Variants in NTAQ1 observed in about 807,000 individuals in gnomAD.
NTAQ1 encodes the protein N-terminal glutamine amidase 1, also known as protein N-terminal glutamine amidohydrolase.
NTAQ1 carries 21 observed loss-of-function variants against 28.2 expected under a neutral mutation model. The observed-to-expected ratio is 0.74, with a 90% confidence interval of 0.53 to 1.07. NTAQ1 has a LOEUF of 1.07. Among genes scored for constraint, NTAQ1 ranks in the 50% least tolerant of loss-of-function variants. The pLI is 0.00. For synonymous variants in NTAQ1, 105 were observed against 90.0 expected, an observed-to-expected ratio of 1.17 and a Z score of -0.94; for missense variants, 264 against 256.6, an observed-to-expected ratio of 1.03 and a Z score of -0.20.
At chr8:123,467,033 C>T (rs1563909525) in intron 6 of NTAQ1, 1 of 151,334 alleles carries the variant, frequency 6.6e-6, no homozygotes, top group South Asian at 2.1e-4. Context: ...GAAACATATT[C>T]CAAATTGCTT....
chr8:123,438,269 G>GTGAT (rs1814845055), intron 5 of NTAQ1: 1 of 687,616 alleles, frequency 1.5e-6, no homozygotes, highest in Non-Finnish European at 2.7e-6. Context: ...CCACTTAGGG[G>GTGAT]TGAGATCATC....
At chr8:123,421,809 C>G (rs566932972) in intron 1 of NTAQ1, among the ~76,000 whole-genome samples, 1 of 152,004 alleles carries the variant, frequency 6.6e-6, no homozygotes, top group African/African-American at 2.4e-5. Context: ...CTGCCTCAGC[C>G]TCCCGAGTAG....
the NTAQ1 span, among the ~76,000 whole-genome samples, chr8:123,475,176 G>C: frequency 6.6e-6 from 1 of 152,144 alleles, no homozygotes; most frequent in Non-Finnish European, 1.5e-5. Context: ...TTGCTCCAGT[G>C]GTTCCAGCTC....
chr8:123,454,357 T>TTTTTGTTTTG lies in NTAQ1; in HGVS notation c.373-12707_373-12698dup, dbSNP rs143782536. Reference sequence around the variant, plus strand: ...TGATAATAAATGGATGCAATTTTGTTTTTTGTTTTGTTTTGTTTTGTTTTT... The same window carrying TTTTTGTTTTG: ...TGATAATAAATGGATGCAATTTTGTTTTTTGTTTTGTTTTGTTTTGTTTTGTTTTGTTTTT... On this transcript the variant is annotated intron_variant, in intron 6 of 6. Coordinates refer to the NTAQ1 transcript ENST00000650311. Among the ~76,000 whole-genome samples, 5 of 151,026 alleles carry TTTTTGTTTTG rather than the reference T, an allele frequency of 3.3e-5. 1 individual carries two copies. In the East Asian group the frequency reaches 5.9e-4, roughly 18 times the overall value.
intron 6 of NTAQ1, among the ~76,000 whole-genome samples, chr8:123,466,320 C>T (rs1048383672): frequency 2.0e-5 from 3 of 152,170 alleles, no homozygotes; most frequent in African/African-American, 7.2e-5. Flanking sequence ...ACCTCTTTGC[C>T]GTCTGTCCAT....
chr8:123,475,676 G>A, the NTAQ1 span, among the ~76,000 whole-genome samples: 1 of 152,132 alleles, frequency 6.6e-6, no homozygotes, highest in South Asian at 2.1e-4. Context: ...TAATAATAAA[G>A]AGAGTAGGTC....
intron 3 of NTAQ1, among the ~76,000 whole-genome samples, chr8:123,435,948 G>A (rs4006559): frequency 0.36 from 54,800 of 151,170 alleles, 10,036 homozygotes; most frequent in East Asian, 0.56. Flanking sequence ...CGGGTGGATC[G>A]CCTGAGGTCA....
chr8:123,437,338 A>G lies in NTAQ1; in HGVS notation c.508+4A>G. ...TATCCCTGCATTGAGACTGGAGGTG[A>G]GCCAAGATGCCTTCTCAGATGGGGG... On this transcript the variant is annotated splice_donor_region_variant and intron_variant, in intron 5 of 5. Coordinates refer to ENST00000287387, the MANE Select transcript of NTAQ1 (RefSeq NM_018024.3). 2 of 1,613,816 alleles carry G rather than the reference A, an allele frequency of 1.2e-6. No homozygotes were observed. The highest frequency in any genetic ancestry group is 1.7e-6 in the Non-Finnish European group (2 of 1,179,830).
At chr8:123,439,200 T>G (rs188921724) in intron 5 of NTAQ1, among the ~76,000 whole-genome samples, 162 of 152,256 alleles carry the variant, frequency 1.1e-3, no homozygotes, top group African/African-American at 3.7e-3. Flanking sequence ...TTCTTTTTTT[T>G]TTGTTGAGAC....
At chr8:123,423,988 G>A (rs1239370467) in intron 1 of NTAQ1, among the ~76,000 whole-genome samples, 2 of 150,374 alleles carry the variant, frequency 1.3e-5, no homozygotes, top group Admixed American at 6.7e-5. Context: ...GTTCAAGTGA[G>A]TCTTGTGCCT....
intron 6 of NTAQ1, among the ~76,000 whole-genome samples, chr8:123,458,913 A>G (rs1219782569): frequency 6.6e-6 from 1 of 152,072 alleles, no homozygotes; most frequent in Non-Finnish European, 1.5e-5. Flanking sequence ...AGCCACCTCT[A>G]TTAAAAATAC....
intron 6 of NTAQ1, among the ~76,000 whole-genome samples, chr8:123,458,687 T>C (rs1323110245): frequency 6.6e-6 from 1 of 151,380 alleles, no homozygotes; most frequent in African/African-American, 2.4e-5. Flanking sequence ...AACGGCGCGA[T>C]CTCGGCTCAC....
chr8:123,434,286 T>A (rs1384873008), intron 3 of NTAQ1, among the ~76,000 whole-genome samples: 1 of 152,122 alleles, frequency 6.6e-6, no homozygotes, highest in East Asian at 1.9e-4. Context: ...CATCTGCAGT[T>A]CAGCAGCACA....
chr8:123,459,896 G>T (rs1318973539), intron 6 of NTAQ1, among the ~76,000 whole-genome samples: 1 of 151,034 alleles, frequency 6.6e-6, no homozygotes, highest in East Asian at 2.0e-4. Flanking sequence ...CCGCCTCCTG[G>T]TTCAAGCGAT....
chr8:123,424,922 C>T (rs1371349323), intron 1 of NTAQ1, among the ~76,000 whole-genome samples: 2 of 152,122 alleles, frequency 1.3e-5, no homozygotes, highest in African/African-American at 2.4e-5. Context: ...GCACTTAGCA[C>T]AGTATTTTGT....
chr8:123,462,404 G>A (rs996828415), intron 6 of NTAQ1, among the ~76,000 whole-genome samples: 18 of 152,198 alleles, frequency 1.2e-4, no homozygotes, highest in Admixed American at 9.2e-4. Flanking sequence ...AGAACATTGG[G>A]TGGATTTTCT....
intron 6 of NTAQ1, among the ~76,000 whole-genome samples, chr8:123,458,402 G>A (rs1303700081): frequency 6.6e-6 from 1 of 152,032 alleles, no homozygotes; most frequent in Non-Finnish European, 1.5e-5. Context: ...CTTTGATTGG[G>A]CTGCTGTGAG....
At chr8:123,444,541 C>G (rs1270080285), downstream of NTAQ1, among the ~76,000 whole-genome samples, 2 of 152,288 alleles carry the variant, frequency 1.3e-5, no homozygotes, top group African/African-American at 4.8e-5. Context: ...GAGTCTCGCT[C>G]TATCGCCCAG....
chr8:123,456,284 TTTG>T lies in NTAQ1; in HGVS notation c.373-10783_373-10781del, dbSNP rs150838222. Among the ~76,000 whole-genome samples, 540 of 152,246 alleles carry T rather than the reference TTTG, an allele frequency of 3.5e-3. 4 individuals are homozygous for T. Among genetic ancestry groups the T allele is most frequent in the African/African-American group, 0.012 (509 of 41,542 alleles). On this transcript the variant is annotated intron_variant, in intron 6 of 6. Coordinates refer to the NTAQ1 transcript ENST00000650311. ...AGAGAACTTATATATTGCAAGGATT[TTTG>T]TTGTTGTTGTTATTTTGAGACAGAG...
Sources: allele counts gnomAD v4.1 joint callset (sites outside exome capture counted in the v4.1 genomes callset), GRCh38; gene constraint gnomAD v4.1.1; transcripts MANE v1.5; gene names NCBI Gene and HGNC (gene_info 2026-07-23, HGNC 2026-07-21).